Variants in GPR179 observed in about 807,000 individuals in gnomAD.
GPR179 encodes the protein G protein-coupled receptor 179.
A neutral mutation model predicts 70.8 loss-of-function variants in GPR179; 52 were observed. That is an observed-to-expected ratio of 0.73 (90% confidence interval 0.59 to 0.93). The LOEUF is 0.93. Ranked by LOEUF, GPR179 falls within the 40% of genes least tolerant of loss-of-function variation. The pLI, the probability that GPR179 is intolerant of heterozygous loss-of-function variation, is 0.00. For missense variants in GPR179, 2,734 were observed against 2,966.8 expected, an observed-to-expected ratio of 0.92 and a Z score of 1.82; for synonymous variants, 1,123 against 1,169.0, an observed-to-expected ratio of 0.96 and a Z score of 0.80.
In GPR179 at chr17:38,328,825, C is replaced by T; in HGVS notation, c.4744G>A (p.Ala1582Thr). Residue 1582 changes from alanine to threonine, a missense_variant, in exon 11 of 11, where the codon GCA becomes ACA. Physicochemically the swap from Ala to Thr is moderately conservative, Grantham distance 58 (BLOSUM62 0). Transcript: ENST00000616987. Reference protein sequence around the residue: ...VCPQEDLRPEAQEATPAKTEI... With the variant: ...VCPQEDLRPETQEATPAKTEI... ...GTTTTGGCAGGTGTTGCTTCCTGTG[C>T]CTCCGGCCTGAGATCTTCCTGTGGA... 6.2e-7 allele frequency: 1 copy of T among 1,613,984 alleles called. No homozygotes were observed. Among genetic ancestry groups the T allele is most frequent in the Non-Finnish European group, 8.5e-7 (1 of 1,179,992 alleles).
At chr17:38,338,590 T>C (rs958487313) in intron 2 of GPR179, among the ~76,000 whole-genome samples, 3 of 152,206 alleles carry the variant, frequency 2.0e-5, no homozygotes, top group African/African-American at 7.2e-5. Flanking sequence ...AACAGTGAAC[T>C]GGATGGTGGG....
In GPR179 at chr17:38,327,898, T is replaced by A; in HGVS notation, c.5671A>T (p.Ile1891Phe). 6.2e-7 allele frequency: 1 copy of A among 1,614,202 alleles called. No homozygotes were observed. Among genetic ancestry groups the A allele is most frequent in the South Asian group, 1.1e-5 (1 of 91,078 alleles). Residue 1891 changes from isoleucine (I) to phenylalanine (F), a missense_variant, in exon 11 of 11, where the codon ATC becomes TTC. By Grantham distance (21) the Ile-to-Phe change is conservative (BLOSUM62 0). Transcript: ENST00000616987. ...CTCATGCTGCTGGGCAAGTCTGAGA[T>A]CTTGGGGGCCTGAGCAGGGGATTCC... ...LRESPAQAPK[I>F]SDLPSSMSSE...
In GPR179 at chr17:38,327,972, A is replaced by G. The variant is rs375804745; in HGVS notation, c.5597T>C (p.Leu1866Pro). The change falls in exon 11 of 11, where the codon CTG (leucine) becomes CCG (proline). Residue 1866 changes from leucine (L) to proline (P), a missense_variant. Transcript: ENST00000616987. ...ACAAATAGTTTCCTGTTGTTGACAC[A>G]GTTTTGCCATCCCTTTTGATACGTC... is the stretch of plus-strand genomic sequence containing the variant. Reference protein sequence around the residue: ...GEDVSKGMAKLCQQQETICIW... With the variant: ...GEDVSKGMAKPCQQQETICIW... The G allele has an allele frequency of 3.7e-6, 6 of 1,614,034 alleles. No individual in the cohort carries two copies. The African/African-American group carries it at 5.3e-5, about 14-fold the overall frequency.
chr17:38,336,034 G>C, intron 5 of GPR179, 42 bp downstream of exon 5: 1 of 1,439,348 alleles, frequency 6.9e-7, no homozygotes, highest in Non-Finnish European at 9.8e-7. Context: ...TTGGCTATGG[G>C]GGATGCTGGA....
At chr17:38,336,238 CTAAGG>C in intron 4 of GPR179, 94 bp from the exon 5 acceptor site, 1 of 863,846 alleles carries the variant, frequency 1.2e-6, no homozygotes, top group Non-Finnish European at 2.0e-6. Context: ...TGACCCTGAG[CTAAGG>C]CTTCACCCTG....
chr17:38,328,303 G>GGGTT lies in GPR179; in HGVS notation c.5262_5265dup (p.Pro1756AsnfsTer28), dbSNP rs755526218. The GGGTT allele has an allele frequency of 1.9e-6, 3 of 1,613,980 alleles. No individual in the cohort carries two copies. The South Asian group carries it at 3.3e-5, about 18-fold the overall frequency. ...CAGGGACAAGCCACCTCCCACTCTGGGGTTGGCTTCTGTGGCTTCTCTGGA... is the reference window on the plus strand; with the variant it reads ...CAGGGACAAGCCACCTCCCACTCTGGGGTTGGTTGGCTTCTGTGGCTTCTCTGGA... On this transcript the variant is annotated frameshift_variant, in exon 11 of 11. Coordinates refer to ENST00000616987, the MANE Select transcript of GPR179 (RefSeq NM_001004334.4). LOFTEE classifies it low-confidence loss of function (END_TRUNC).
rs183966736 is a variant in GPR179, at chr17:38,325,703, G to A, written c.*762C>T. 1 of 152,514 alleles carries A rather than the reference G, an allele frequency of 6.6e-6. No individual in the cohort carries two copies. The highest frequency in any genetic ancestry group is 1.9e-4 in the East Asian group (1 of 5,186). 9.4% of individuals were successfully genotyped at this position (152,514 alleles called of 1,614,324 possible). On this transcript the variant is annotated 3_prime_UTR_variant, in exon 11 of 11. Transcript: ENST00000616987. ...TGGAAGGAAGAGCTCCCTTGACTGT[G>A]GGGAGGACCTGGGGCAATTGCTTTT...
intron 5 of GPR179, 124 bp from the exon 6 acceptor site, chr17:38,335,824 C>T: frequency 1.4e-6 from 1 of 701,970 alleles, no homozygotes; most frequent in Non-Finnish European, 2.6e-6. Context: ...CTTCATTCTG[C>T]AGAGGAGCAG....
At position 38,331,364 on chromosome 17, in the gene GPR179, G is replaced by C; in HGVS notation, c.2205C>G (p.Ser735=). 1 of 1,613,366 alleles carries C rather than the reference G, an allele frequency of 6.2e-7. No homozygotes were observed. Residue 735 remains serine, a synonymous_variant, in exon 11 of 11, where the codon TCC becomes TCG. Coordinates refer to ENST00000616987, the MANE Select transcript of GPR179 (RefSeq NM_001004334.4). ...CGTGGCCTGGGGATCCTGAGTCCCG[G>C]GAGTGCTGCCTGGCCAGGGCCTCGG... ...EFPEALARQH[S]RDSGSPGHGS...
At position 38,330,715 on chromosome 17, in the gene GPR179, T is replaced by C; in HGVS notation, c.2854A>G (p.Arg952Gly). ...AAGGTGGAGGTGGGAGATAGCATCC[T>C]TGGCTCTCCCAGGCCCCCAGACAGG... ...LALSGGLGEP[R>G]MLSPTSTLAP... The change falls in exon 11 of 11, where the codon AGG (arginine) becomes GGG (glycine). Residue 952 changes from arginine (R) to glycine (G), a missense_variant. Arg to Gly is a moderately radical substitution (Grantham distance 125). Transcript: ENST00000616987. 1 of 1,593,434 alleles carries C rather than the reference T, an allele frequency of 6.3e-7. No individual in the cohort carries two copies. The highest frequency in any genetic ancestry group is 1.1e-5 in the South Asian group (1 of 88,424).
intron 9 of GPR179, 128 bp from the exon 10 acceptor site, chr17:38,333,525 G>A (rs2037377693): frequency 2.0e-6 from 2 of 1,000,096 alleles, no homozygotes; most frequent in Non-Finnish European, 2.9e-6. Flanking sequence ...TTGGAATTCT[G>A]GGGATCTTTA....
intron 4 of GPR179, 89 bp downstream of exon 4, chr17:38,336,889 A>G: frequency 1.5e-5 from 20 of 1,343,328 alleles, no homozygotes; most frequent in Non-Finnish European, 2.0e-5. Context: ...ATTAGAACCA[A>G]TTTCTCCTAA....
At position 38,329,839 on chromosome 17, in the gene GPR179, A is replaced by G. The variant is rs760414883; in HGVS notation, c.3730T>C (p.Cys1244Arg). 5.0e-6 allele frequency: 8 copies of G among 1,613,836 alleles called. No individual in the cohort carries two copies. Among genetic ancestry groups the G allele is most frequent in the Non-Finnish European group, 6.8e-6 (8 of 1,180,040 alleles). The change falls in exon 11 of 11, where the codon TGC becomes CGC. Residue 1244 changes from cysteine to arginine, a missense_variant. By Grantham distance (180) the Cys-to-Arg change is radical. Coordinates refer to ENST00000616987, the MANE Select transcript of GPR179 (RefSeq NM_001004334.4). ...TCTGATTCAGTGACCTCCCAGGGGCATACCTCTGCCACCCTGTGGTCAGCG... is the reference window on the plus strand; with the variant it reads ...TCTGATTCAGTGACCTCCCAGGGGCGTACCTCTGCCACCCTGTGGTCAGCG... ...GSADHRVAEVCPWEVTESETR... is the reference protein window; with the variant it reads ...GSADHRVAEVRPWEVTESETR...
intron 10 of GPR179, among the ~76,000 whole-genome samples, chr17:38,331,744 G>A (rs942775215): frequency 3.3e-5 from 5 of 152,162 alleles, no homozygotes; most frequent in African/African-American, 7.2e-5. Context: ...CAGTCAGCTC[G>A]GAGGACTCAT....
chr17:38,340,023 A>G (rs2037436705), intron 1 of GPR179, among the ~76,000 whole-genome samples: 1 of 152,212 alleles, frequency 6.6e-6, no homozygotes, highest in Non-Finnish European at 1.5e-5. Context: ...GAGTTTCCCT[A>G]TTTGGTCTAC....
chr17:38,334,780 C>G lies in GPR179; in HGVS notation c.1708G>C (p.Ala570Pro). 1.2e-6 allele frequency: 2 copies of G among 1,613,614 alleles called. No homozygotes were observed. Among genetic ancestry groups the G allele is most frequent in the Non-Finnish European group, 1.7e-6 (2 of 1,179,970 alleles). ...CCCATGTAGCGTGGCTCATGGAAGG[C>G]CGAGAGCACAGCCCGTGTGGCGTAG... ...LCYATRAVLS[A>P]FHEPRYMGIA... Residue 570 changes from alanine to proline, a missense_variant, in exon 8 of 11, where the codon GCC (alanine) becomes CCC (proline). Physicochemically the swap from Ala to Pro is conservative, Grantham distance 27. Coordinates refer to ENST00000616987, the MANE Select transcript of GPR179 (RefSeq NM_001004334.4). The surrounding 1 kb of genome is among the most constrained non-coding windows in gnomAD (Gnocchi z 4.7).
Position 38,328,861 on chromosome 17 carries a change from T to C in GPR179, c.4708A>G (p.Thr1570Ala). The change falls in exon 11 of 11, where the codon ACG becomes GCG. Residue 1570 changes from threonine (T) to alanine (A), a missense_variant. Physicochemically the swap from Thr to Ala is moderately conservative, Grantham distance 58 (BLOSUM62 0). Coordinates refer to ENST00000616987, the MANE Select transcript of GPR179 (RefSeq NM_001004334.4). ...AGATCTTCCTGTGGACACACCTGCGTTGCTCTGCTTCCTCCATTGCATAGG... is the reference window on the plus strand; with the variant it reads ...AGATCTTCCTGTGGACACACCTGCGCTGCTCTGCTTCCTCCATTGCATAGG... The part of the protein sequence containing the change: ...QFLCNGGSRA[T>A]QVCPQEDLRP... 1 of 1,613,690 alleles carries C rather than the reference T, an allele frequency of 6.2e-7. No individual in the cohort carries two copies. Among genetic ancestry groups the C allele is most frequent in the Non-Finnish European group, 8.5e-7 (1 of 1,179,896 alleles).
rs370175162 is a variant in GPR179 at position 38,329,235 on chromosome 17, G to T, written c.4334C>A (p.Ala1445Asp). ...FRGPSAVSIQ[A>D]PGSSECSGSL... ...CCCTGAACACTCTGAGCTTCCTGGG[G>T]CCTGAATTGAGACTGCTGAGGGGCC... Residue 1445 changes from alanine to aspartate, a missense_variant, in exon 11 of 11, where the codon GCC becomes GAC. Physicochemically the swap from Ala to Asp is moderately radical, Grantham distance 126. Coordinates refer to ENST00000616987, the MANE Select transcript of GPR179 (RefSeq NM_001004334.4). 1 of 1,613,826 alleles carries T rather than the reference G, an allele frequency of 6.2e-7. No homozygotes were observed.
At chr17:38,339,565 T>A (rs766647383) in intron 1 of GPR179, 40 bp from the exon 2 acceptor site, 8 of 1,413,380 alleles carry the variant, frequency 5.7e-6, no homozygotes, top group Non-Finnish European at 7.0e-6. Flanking sequence ...CAGTGATTGA[T>A]GCCAAAGTGG....
Sources: gnomAD v4.1 joint callset for allele counts (sites outside exome capture counted in the v4.1 genomes callset) on GRCh38, gnomAD v4.1.1 for gene constraint, Gnocchi (gnomAD v3.1) non-coding constraint, MANE v1.5 for transcripts, NCBI Gene and HGNC (gene_info 2026-07-23, HGNC 2026-07-21) for gene names.